CPB2: variants seen among roughly 807,000 people sequenced by gnomAD.
CPB2 encodes carboxypeptidase B2, also known as carboxypeptidase B-like protein.
A neutral mutation model predicts 57.0 loss-of-function variants in CPB2; 54 were observed. The observed-to-expected ratio is 0.95, with a 90% CI of 0.76 to 1.19. The LOEUF is 1.19. Ranked by LOEUF, CPB2 falls within the 50% of genes most tolerant of loss-of-function variation. The pLI is 0.00. For missense variants in CPB2, 426 were observed against 512.0 expected, an observed-to-expected ratio of 0.83 and a Z score of 1.62; for synonymous variants, 189 against 178.1, an observed-to-expected ratio of 1.06 and a Z score of -0.49.
At chr13:46,078,134 A>G (rs1031436575) in intron 5 of CPB2, among the ~76,000 whole-genome samples, 1 of 152,178 alleles carries the variant, frequency 6.6e-6, no homozygotes, top group Non-Finnish European at 1.5e-5. Flanking sequence ...TACACATTGT[A>G]TGCATGTATC....
Position 46,104,968 on chromosome 13 carries a change from G to A in CPB2, c.42C>T (p.Leu14=), listed in dbSNP as rs764425514. Residue 14 remains leucine (L), a synonymous_variant, in exon 1 of 11, where the codon CTC becomes CTT. Transcript: ENST00000181383. ...ACGCGAAGACATGCTGCTCACAGAA[G>A]AGAACAATGGGTACAAGGACTGCAA... The part of the protein sequence containing the change: ...CSLAVLVPIV[L]FCEQHVFAFQ... 6.2e-7 allele frequency: 1 copy of A among 1,613,872 alleles called. No individual in the cohort carries two copies. Among genetic ancestry groups the A allele is most frequent in the Non-Finnish European group, 8.5e-7 (1 of 1,179,932 alleles).
At chr13:46,085,856 C>G (rs1482860234) in intron 2 of CPB2, among the ~76,000 whole-genome samples, 1 of 152,218 alleles carries the variant, frequency 6.6e-6, no homozygotes, top group Non-Finnish European at 1.5e-5. Flanking sequence ...TTTGCTCAGG[C>G]CCGCTGAGCC....
At chr13:46,066,530 A>G (rs1237228405) in intron 7 of CPB2, among the ~76,000 whole-genome samples, 1 of 152,236 alleles carries the variant, frequency 6.6e-6, no homozygotes, top group African/African-American at 2.4e-5. Context: ...TTGGATCCAG[A>G]ATCAAAGAAA....
intron 2 of CPB2, among the ~76,000 whole-genome samples, chr13:46,086,131 C>T (rs1437706020): frequency 6.6e-6 from 1 of 152,148 alleles, no homozygotes; most frequent in African/African-American, 2.4e-5. Context: ...TCAGGAACCA[C>T]AGAGCCCTAA....
At chr13:46,073,040 C>A (rs968018966) in intron 6 of CPB2, among the ~76,000 whole-genome samples, 2 of 152,108 alleles carry the variant, frequency 1.3e-5, no homozygotes, top group African/African-American at 4.8e-5. Context: ...TGAATGAAGG[C>A]AAATAGGGAT....
intron 1 of CPB2, among the ~76,000 whole-genome samples, chr13:46,090,236 G>GA (rs1201211865): frequency 2.0e-5 from 3 of 150,274 alleles, no homozygotes; most frequent in Non-Finnish European, 3.0e-5. Flanking sequence ...TATGTTTCAT[G>GA]AAAAAAATGA....
chr13:46,060,718 C>T (rs2044760721), intron 8 of CPB2, among the ~76,000 whole-genome samples: 2 of 152,094 alleles, frequency 1.3e-5, no homozygotes, highest in Non-Finnish European at 1.5e-5. Flanking sequence ...GGACAGTGAG[C>T]CTCAGATTCT....
chr13:46,085,296 A>G (rs932396638), intron 2 of CPB2, among the ~76,000 whole-genome samples: 1 of 152,250 alleles, frequency 6.6e-6, no homozygotes, highest in African/African-American at 2.4e-5. Flanking sequence ...TGACAGAACA[A>G]GAACTAGAAT....
chr13:46,102,127 A>C (rs2045441893), intron 1 of CPB2, among the ~76,000 whole-genome samples: 3 of 152,224 alleles, frequency 2.0e-5, no homozygotes, highest in Admixed American at 1.3e-4. Flanking sequence ...TGTGAAGTCA[A>C]CAGAGGAACA....
chr13:46,081,453 T>C (rs562627674), intron 4 of CPB2, among the ~76,000 whole-genome samples: 2 of 152,008 alleles, frequency 1.3e-5, no homozygotes, highest in Non-Finnish European at 2.9e-5. Context: ...AGAGGTGGTC[T>C]AAGTTGGATA....
At chr13:46,061,733 A>G (rs2044775034) in intron 8 of CPB2, among the ~76,000 whole-genome samples, 1 of 152,190 alleles carries the variant, frequency 6.6e-6, no homozygotes, top group Non-Finnish European at 1.5e-5. Flanking sequence ...TAGCAGCCTG[A>G]GAAGACAAAG....
chr13:46,086,549 T>G (rs1388857396), intron 2 of CPB2, among the ~76,000 whole-genome samples: 1 of 152,092 alleles, frequency 6.6e-6, no homozygotes, highest in Non-Finnish European at 1.5e-5. Context: ...TCTATGGGCT[T>G]CAGATGGGAG....
intron 5 of CPB2, among the ~76,000 whole-genome samples, chr13:46,075,818 T>A (rs879562211): frequency 2.4e-4 from 37 of 152,174 alleles, no homozygotes; most frequent in South Asian, 6.2e-4. Context: ...TTAAAAAAAA[T>A]TTTTTTTAAG....
chr13:46,104,077 C>A (rs11574983), intron 1 of CPB2, among the ~76,000 whole-genome samples: 4,886 of 152,222 alleles, frequency 0.032, 255 homozygotes, highest in African/African-American at 0.11. Context: ...AACCATTGTC[C>A]TATGGTTATT....
At chr13:46,086,397 G>A (rs944978149) in intron 2 of CPB2, among the ~76,000 whole-genome samples, 1 of 152,182 alleles carries the variant, frequency 6.6e-6, no homozygotes, top group African/African-American at 2.4e-5. Context: ...GGAGACTCGC[G>A]GTGGGTAGCT....
At chr13:46,067,557 A>G in intron 6 of CPB2, 140 bp from the exon 7 acceptor site, 1 of 568,456 alleles carries the variant, frequency 1.8e-6, no homozygotes, top group Non-Finnish European at 3.1e-6. Flanking sequence ...CTAATTCCTC[A>G]AAAGAACTGA....
Position 46,066,972 on chromosome 13 carries a change from T to C in CPB2, c.702+335A>G, listed in dbSNP as rs541091871. Among the ~76,000 whole-genome samples the C allele has an allele frequency of 1.1e-4, 17 of 152,090 alleles. No individual in the cohort carries two copies. The East Asian group carries it at 3.3e-3, about 29-fold the overall frequency. Reference sequence around the variant, plus strand: ...ATTTTTTTCAGAGTTCTTTTTTTTTTAGAAATGCATACTGAAATATTTATT... The same window carrying C: ...ATTTTTTTCAGAGTTCTTTTTTTTTCAGAAATGCATACTGAAATATTTATT... On this transcript the variant is annotated intron_variant, in intron 7 of 10. Coordinates refer to ENST00000181383, the MANE Select transcript of CPB2 (RefSeq NM_001872.5).
chr13:46,053,871 T>G, intron 10 of CPB2, 73 bp from the exon 11 acceptor site: 1 of 1,442,926 alleles, frequency 6.9e-7, no homozygotes, highest in Non-Finnish European at 9.5e-7. Flanking sequence ...ATTGTTTGAT[T>G]TAAATGTTTA....
chr13:46,095,969 C>T (rs1394316969), intron 1 of CPB2, among the ~76,000 whole-genome samples: 1 of 149,294 alleles, frequency 6.7e-6, no homozygotes, highest in African/African-American at 2.5e-5. Context: ...ACAATTCTGC[C>T]TCGTGGGTTC....
Sources: allele counts gnomAD v4.1 joint callset (sites outside exome capture counted in the v4.1 genomes callset), GRCh38; gene constraint gnomAD v4.1.1; transcripts MANE v1.5; gene names NCBI Gene and HGNC (gene_info 2026-07-23, HGNC 2026-07-21).